The following OPN3 variants were observed in gnomAD, a reference collection of about 807,000 sequenced individuals.
The protein encoded by OPN3 is opsin 3, also known as opsin-3.
OPN3 carries 29 observed loss-of-function variants against 33.8 expected under a neutral mutation model. That is an observed-to-expected ratio of 0.86 (90% CI 0.64 to 1.17). OPN3 has a LOEUF of 1.17. OPN3 is among the 50% of genes most tolerant of loss of function. The pLI, the probability that OPN3 is intolerant of heterozygous loss-of-function variation, is 0.00. For synonymous variants in OPN3, 216 were observed against 216.1 expected (o/e 1.00, Z 0.00); for missense variants, 437 against 514.1 (o/e 0.85, Z 1.45).
At chr1:241,613,695 G>A (rs1025940584) in intron 1 of OPN3, among the ~76,000 whole-genome samples, 1 of 152,106 alleles carries the variant, frequency 6.6e-6, no homozygotes, top group African/African-American at 2.4e-5. Flanking sequence ...AAAGCAGTTT[G>A]CTAGAACAAC....
intron 1 of OPN3, among the ~76,000 whole-genome samples, chr1:241,639,593 G>A (rs938828234): frequency 1.3e-5 from 2 of 151,804 alleles, no homozygotes; most frequent in Non-Finnish European, 2.9e-5. Context: ...AAGAAAGGAG[G>A]CGGGCCGGGG....
chr1:241,608,912 C>T (rs1397486645), intron 1 of OPN3, among the ~76,000 whole-genome samples: 1 of 152,174 alleles, frequency 6.6e-6, no homozygotes, highest in Non-Finnish European at 1.5e-5. Context: ...CTGAAATGAT[C>T]TAATCTACAT....
At chr1:241,617,385 T>G (rs1292247606) in intron 1 of OPN3, among the ~76,000 whole-genome samples, 1 of 152,098 alleles carries the variant, frequency 6.6e-6, no homozygotes, top group African/African-American at 2.4e-5. Flanking sequence ...CAATGATGAG[T>G]CTAGTTTCTA....
intron 2 of OPN3, among the ~76,000 whole-genome samples, 162 bp from the exon 3 acceptor site, chr1:241,598,159 T>G (rs1046455630): frequency 2.0e-5 from 3 of 152,180 alleles, no homozygotes; most frequent in African/African-American, 7.2e-5. Context: ...GACTCATAGC[T>G]GAGTCCAGCT....
At chr1:241,618,047 A>T (rs1490591396) in intron 1 of OPN3, among the ~76,000 whole-genome samples, 2 of 152,204 alleles carry the variant, frequency 1.3e-5, no homozygotes, top group Admixed American at 6.5e-5. Flanking sequence ...AGGTGGGAGA[A>T]GGAAACTTTA....
intron 1 of OPN3, among the ~76,000 whole-genome samples, chr1:241,626,592 G>T (rs1338682663): frequency 6.6e-6 from 1 of 152,038 alleles, no homozygotes; most frequent in East Asian, 1.9e-4. Context: ...CTAAAAACAA[G>T]ACTCCAAGCA....
chr1:241,603,804 T>C (rs1573952583), intron 2 of OPN3, among the ~76,000 whole-genome samples: 1 of 152,228 alleles, frequency 6.6e-6, no homozygotes, highest in Non-Finnish European at 1.5e-5. Context: ...GGAAAGTTCT[T>C]GTTGGCACCC....
At chr1:241,619,339 G>A (rs941458502) in intron 1 of OPN3, among the ~76,000 whole-genome samples, 1 of 152,192 alleles carries the variant, frequency 6.6e-6, no homozygotes, top group African/African-American at 2.4e-5. Context: ...CCCTAGTTGA[G>A]AGAGTCAGTA....
intron 1 of OPN3, among the ~76,000 whole-genome samples, chr1:241,625,542 C>A (rs554097438): frequency 1.8e-4 from 28 of 152,192 alleles, no homozygotes; most frequent in Non-Finnish European, 3.8e-4. Context: ...AAATTTCAAA[C>A]CTATACCAAA....
intron 1 of OPN3, among the ~76,000 whole-genome samples, chr1:241,610,290 T>C (rs1260063147): frequency 1.3e-5 from 2 of 152,150 alleles, no homozygotes; most frequent in African/African-American, 4.8e-5. Context: ...GACAGATGTG[T>C]AAACAAACAA....
intron 1 of OPN3, among the ~76,000 whole-genome samples, chr1:241,627,877 T>C (rs1309989714): frequency 6.6e-6 from 1 of 152,182 alleles, no homozygotes; most frequent in Non-Finnish European, 1.5e-5. Context: ...TTAATCTTAA[T>C]CAGAATTTCT....
At chr1:241,595,905 G>C (rs76197057) in intron 3 of OPN3, among the ~76,000 whole-genome samples, 1 of 146,844 alleles carries the variant, frequency 6.8e-6, no homozygotes, top group African/African-American at 2.6e-5. Context: ...GCCAAAAAAC[G>C]TTTTTCCATA....
intron 1 of OPN3, chr1:241,628,833 C>T (rs1189732827): frequency 6.6e-6 from 1 of 152,300 alleles, no homozygotes; most frequent in East Asian, 1.9e-4. Context: ...TCTAAGAAAT[C>T]AGTAATTTTC....
rs1663452048 is a variant in OPN3, at chr1:241,594,876, A to T, written c.946-185T>A. Reference sequence around the variant, plus strand: ...CCCCAGAGCTTTATGTCTTTTATTCATTCTAATTCTTATTAACCGGAATAT... The same window carrying T: ...CCCCAGAGCTTTATGTCTTTTATTCTTTCTAATTCTTATTAACCGGAATAT... On this transcript the variant is annotated intron_variant, in intron 3 of 3. Coordinates refer to ENST00000366554, the MANE Select transcript of OPN3 (RefSeq NM_014322.3). 4.9e-6 allele frequency: 3 copies of T among 617,770 alleles called. No individual in the cohort carries two copies. The Admixed American group carries it at 9.2e-5, about 19-fold the overall frequency. 38.3% of individuals were successfully genotyped at this position (617,770 alleles called of 1,614,324 possible).
intron 1 of OPN3, among the ~76,000 whole-genome samples, chr1:241,610,452 G>A (rs1244597169): frequency 6.6e-6 from 1 of 152,168 alleles, no homozygotes; most frequent in African/African-American, 2.4e-5. Flanking sequence ...TTATCAAGTT[G>A]ACAAGAGTGA....
intron 1 of OPN3, among the ~76,000 whole-genome samples, chr1:241,614,658 T>G (rs1489295140): frequency 6.6e-6 from 1 of 152,260 alleles, no homozygotes; most frequent in Non-Finnish European, 1.5e-5. Flanking sequence ...CTCTGACCAT[T>G]CTGGCTTCAA....
chr1:241,599,804 A>G (rs1047388260), intron 2 of OPN3, among the ~76,000 whole-genome samples: 1 of 152,182 alleles, frequency 6.6e-6, no homozygotes, highest in East Asian at 1.9e-4. Context: ...AGGTAAAGCA[A>G]AAAAACCTAT....
chr1:241,609,975 A>G (rs1663946331), intron 1 of OPN3, among the ~76,000 whole-genome samples: 1 of 152,342 alleles, frequency 6.6e-6, no homozygotes, highest in Non-Finnish European at 1.5e-5. Flanking sequence ...AAAACTATGT[A>G]TACAACCATA....
intron 2 of OPN3, among the ~76,000 whole-genome samples, chr1:241,599,520 CCG>C (rs1663625049): frequency 6.6e-6 from 1 of 151,998 alleles, no homozygotes; most frequent in Non-Finnish European, 1.5e-5. Flanking sequence ...ACGGCAAAAA[CCG>C]CAATTACTTT....
Sources: gnomAD v4.1 joint callset for allele counts (sites outside exome capture counted in the v4.1 genomes callset) on GRCh38, gnomAD v4.1.1 for gene constraint, MANE v1.5 for transcripts, NCBI Gene and HGNC (gene_info 2026-07-23, HGNC 2026-07-21) for gene names.